PCGF5: variants seen among roughly 807,000 people sequenced by gnomAD.
The protein encoded by PCGF5 is polycomb group RING finger protein 5.
PCGF5 carries 9 observed loss-of-function variants against 44.3 expected under a neutral mutation model. That is an observed-to-expected ratio of 0.20 (90% CI 0.12 to 0.35). The LOEUF is 0.35. Among genes scored for constraint, PCGF5 ranks in the 10% least tolerant of loss-of-function variants. The probability of loss-of-function intolerance (pLI) is 1.00; values close to 1 mark genes in which losing one functional copy is unlikely to be tolerated. For synonymous variants in PCGF5, 95 were observed against 102.5 expected (o/e 0.93, Z 0.44); for missense variants, 146 against 305.3 (o/e 0.48, Z 3.89).
In PCGF5 at chr10:91,281,782, T is replaced by G. The variant is rs187609815; in HGVS notation, c.*3466T>G. ...TTGGTGAGATCAGTCAAATGCAGGC[T>G]TTTCTTGCAATAATCAGAACACACT... On this transcript the variant is annotated 3_prime_UTR_variant, in exon 10 of 10. Transcript: ENST00000336126. 365 of 152,378 alleles carry G rather than the reference T, an allele frequency of 2.4e-3. 1 individual carries two copies. The highest frequency in any genetic ancestry group is 8.4e-3 in the African/African-American group (351 of 41,560). The allele number at this position is 152,378 out of a possible 1,614,324, so 9.4% of individuals were successfully genotyped here.
In PCGF5 at chr10:91,202,557, G is replaced by A. The variant is rs528536243; in HGVS notation, c.-183-20132G>A. Among the ~76,000 whole-genome samples the A allele has an allele frequency of 5.3e-5, 8 of 152,270 alleles. No individual in the cohort carries two copies. The South Asian group carries it at 1.2e-3, about 24-fold the overall frequency. On this transcript the variant is annotated intron_variant, in intron 1 of 9. Coordinates refer to the PCGF5 transcript ENST00000614189. ...GAGTAGTCATTGCATAGTAGTCATCGTTACTGTTAATTATTAAGAGTCTAA... is the reference window on the plus strand; with the variant it reads ...GAGTAGTCATTGCATAGTAGTCATCATTACTGTTAATTATTAAGAGTCTAA...
chr10:91,176,775 C>T (rs1258590333), intron 1 of PCGF5, among the ~76,000 whole-genome samples: 2 of 152,220 alleles, frequency 1.3e-5, no homozygotes, highest in Non-Finnish European at 2.9e-5. Flanking sequence ...TTAAGGACTT[C>T]TCTGCATTGG....
chr10:91,258,210 A>G (rs1340503550), intron 6 of PCGF5, among the ~76,000 whole-genome samples: 1 of 152,146 alleles, frequency 6.6e-6, no homozygotes, highest in Non-Finnish European at 1.5e-5. Context: ...TTGGAATTAG[A>G]TCATAGTAAT....
rs1348809110 is a variant in PCGF5, at chr10:91,284,267, ATTG to A, written c.*5954_*5956del. On this transcript the variant is annotated 3_prime_UTR_variant, in exon 10 of 10. Coordinates refer to ENST00000336126, the MANE Select transcript of PCGF5 (RefSeq NM_032373.5). ...TAAAAATTAAATTGCATAATTTATTATTGTTTGTCATCTTTAATATTAGTCACT... is the reference window on the plus strand; with the variant it reads ...TAAAAATTAAATTGCATAATTTATTATTTGTCATCTTTAATATTAGTCACT... The A allele has an allele frequency of 2.6e-5, 4 of 152,434 alleles. No homozygotes were observed. The highest frequency in any genetic ancestry group is 6.6e-5 in the Admixed American group (1 of 15,262). 9.4% of individuals were successfully genotyped at this position (152,434 alleles called of 1,614,324 possible). A position where few individuals can be genotyped will look rare whatever the true frequency, so the allele number is the denominator to read the frequency against.
intron 9 of PCGF5, among the ~76,000 whole-genome samples, chr10:91,275,775 G>C (rs1846298940): frequency 6.6e-6 from 1 of 152,104 alleles, no homozygotes; most frequent in African/African-American, 2.4e-5. Flanking sequence ...TTGAAGACCA[G>C]TGTAAAAGTG....
At chr10:91,249,642 CTCCCTTT>C (rs1215954186) in intron 5 of PCGF5, among the ~76,000 whole-genome samples, 2 of 151,678 alleles carry the variant, frequency 1.3e-5, no homozygotes, top group Non-Finnish European at 2.9e-5. Flanking sequence ...TGGATGAGAT[CTCCCTTT>C]TTTAATCTGT....
intron 1 of PCGF5, among the ~76,000 whole-genome samples, chr10:91,178,063 G>A (rs1044629865): frequency 2.6e-5 from 4 of 152,168 alleles, no homozygotes; most frequent in Non-Finnish European, 5.9e-5. Flanking sequence ...ACTGTCCCTG[G>A]AAGTATTTTA....
intron 2 of PCGF5, among the ~76,000 whole-genome samples, chr10:91,236,061 A>G (rs1346859386): frequency 6.6e-6 from 1 of 152,190 alleles, no homozygotes. Flanking sequence ...CTGGATGACC[A>G]GAGTAAGACC....
chr10:91,204,814 A>G (rs1006262664), intron 1 of PCGF5, among the ~76,000 whole-genome samples: 5 of 151,978 alleles, frequency 3.3e-5, no homozygotes, highest in Non-Finnish European at 7.4e-5. Context: ...TATTGTTTTG[A>G]TTCTGTGTAG....
chr10:91,274,373 G>A (rs192856208), intron 9 of PCGF5, among the ~76,000 whole-genome samples: 1 of 152,096 alleles, frequency 6.6e-6, no homozygotes, highest in African/African-American at 2.4e-5. Flanking sequence ...TTAAAATAAG[G>A]TCTTGCCTTA....
Position 91,222,786 on chromosome 10 carries a change from GAC to G in PCGF5, c.-81_-80del. 1.4e-6 allele frequency: 1 copy of G among 731,316 alleles called. No homozygotes were observed. Among genetic ancestry groups the G allele is most frequent in the Non-Finnish European group, 2.4e-6 (1 of 422,020 alleles). The allele number at this position is 731,316 out of a possible 1,614,324, so 45.3% of individuals were successfully genotyped here. A position where few individuals can be genotyped will look rare whatever the true frequency, so the allele number is the denominator to read the frequency against. On this transcript the variant is annotated 5_prime_UTR_variant, in exon 2 of 10. It removes the in-frame stop codon of an upstream open reading frame in the 5' UTR. Transcript: ENST00000336126. ...TGCCTCAGGACATCCTACTGGGAAC[GAC>G]ACACCAGCTCCTGGGATCAGACTTT...
At position 91,278,522 on chromosome 10, in the gene PCGF5, C is replaced by G. The variant is rs1408129511; in HGVS notation, c.*206C>G. ...AAGTGCCATTCTGCTACTGAACCAT[C>G]TGCATAAGGTATTTGTGTTGTCTCA... On this transcript the variant is annotated 3_prime_UTR_variant, in exon 10 of 10. Coordinates refer to ENST00000336126, the MANE Select transcript of PCGF5 (RefSeq NM_032373.5). 1.7e-6 allele frequency: 1 copy of G among 573,204 alleles called. No individual in the cohort carries two copies. Among genetic ancestry groups the G allele is most frequent in the East Asian group, 2.9e-5 (1 of 34,750 alleles). 35.5% of individuals were successfully genotyped at this position (573,204 alleles called of 1,614,324 possible).
At chr10:91,275,370 TC>T (rs1846281339) in intron 9 of PCGF5, among the ~76,000 whole-genome samples, 1 of 152,030 alleles carries the variant, frequency 6.6e-6, no homozygotes, top group Non-Finnish European at 1.5e-5. Flanking sequence ...AAGATAGTAC[TC>T]ATTATTGATG....
intron 1 of PCGF5, among the ~76,000 whole-genome samples, chr10:91,213,589 C>G (rs12256855): frequency 6.7e-4 from 102 of 151,916 alleles, no homozygotes; most frequent in African/African-American, 2.3e-3. Flanking sequence ...CTCAGCCTCC[C>G]GAGTAGCTGG....
Position 91,278,289 on chromosome 10 carries a change from G to A in PCGF5, c.744G>A (p.Gln248=). 6.2e-7 allele frequency: 1 copy of A among 1,611,474 alleles called. No individual in the cohort carries two copies. Among genetic ancestry groups the A allele is most frequent in the Non-Finnish European group, 8.5e-7 (1 of 1,177,616 alleles). The change falls in exon 10 of 10, where the codon CAG becomes CAA. Residue 248 remains glutamine, a synonymous_variant. Transcript: ENST00000336126. ...TGTAGTCATACCCTATGGTACTGCA[G>A]TATCGACCAAGAATTGATTTCGGTT... The part of the protein sequence containing the change: ...PLYQSYPMVL[Q]YRPRIDFG
At chr10:91,256,430 G>A (rs1350770735) in intron 6 of PCGF5, among the ~76,000 whole-genome samples, 6 of 151,900 alleles carry the variant, frequency 3.9e-5, no homozygotes, top group Non-Finnish European at 8.8e-5. Flanking sequence ...AAATGAACAG[G>A]TCCTCAGAGA....
intron 6 of PCGF5, among the ~76,000 whole-genome samples, chr10:91,260,466 A>T (rs1197821124): frequency 6.6e-6 from 1 of 152,152 alleles, no homozygotes. Flanking sequence ...CTGGGTATAT[A>T]CCCAAAGGAT....
intron 1 of PCGF5, among the ~76,000 whole-genome samples, chr10:91,177,918 ACCTGCACCCACTGT>A (rs1226405142): frequency 7.6e-6 from 1 of 130,812 alleles, no homozygotes; most frequent in Non-Finnish European, 1.5e-5. Flanking sequence ...GCACCCACTG[ACCTGCACCCACTGT>A]CCAACAATCC....
At chr10:91,184,940 A>G (rs1361804645) in intron 1 of PCGF5, among the ~76,000 whole-genome samples, 1 of 152,186 alleles carries the variant, frequency 6.6e-6, no homozygotes, top group African/African-American at 2.4e-5. Flanking sequence ...ATGCAGCGGT[A>G]GGAGGTAGCT....
Sources: gnomAD v4.1 joint callset for allele counts (sites outside exome capture counted in the v4.1 genomes callset) on GRCh38, gnomAD v4.1.1 for gene constraint, MANE v1.5 for transcripts, NCBI Gene and HGNC (gene_info 2026-07-23, HGNC 2026-07-21) for gene names.